Variants in PADI3 observed in about 807,000 individuals in gnomAD.
PADI3 encodes the protein peptidyl arginine deiminase 3.
PADI3 carries 53 observed loss-of-function variants against 71.5 expected under a neutral mutation model. The observed-to-expected ratio is 0.74, with a 90% CI of 0.59 to 0.93. The LOEUF (loss-of-function observed/expected upper bound fraction) is 0.93, where lower values mean the gene tolerates loss of function less well. PADI3 is among the 40% of genes least tolerant of loss of function. The pLI is 0.00. For synonymous variants in PADI3, 361 were observed against 347.5 expected, an observed-to-expected ratio of 1.04 and a Z score of -0.43; for missense variants, 821 against 868.0, an observed-to-expected ratio of 0.95 and a Z score of 0.68.
In PADI3 at chr1:17,262,084, G is replaced by A. The variant is rs768038339; in HGVS notation, c.274-49G>A. Reference sequence around the variant, plus strand: ...ATCCCCGAGAGCTATCTTTTGGGGCGGGAGCTCTTGGCTTCTGCTGGTATT... The same window carrying A: ...ATCCCCGAGAGCTATCTTTTGGGGCAGGAGCTCTTGGCTTCTGCTGGTATT... On this transcript the variant is annotated intron_variant, in intron 2 of 15. Transcript: ENST00000375460. The A allele has an allele frequency of 3.4e-5, 53 of 1,537,886 alleles. 1 individual carries two copies. Among genetic ancestry groups the A allele is most frequent in the Admixed American group, 1.4e-4 (8 of 59,018 alleles).
chr1:17,275,943 T>G (rs1327380196), intron 11 of PADI3, among the ~76,000 whole-genome samples: 1 of 152,118 alleles, frequency 6.6e-6, no homozygotes, highest in Non-Finnish European at 1.5e-5. Context: ...GTTCTGAAGA[T>G]TTTCCTGGAT....
chr1:17,265,414 A>G (rs1230503262), intron 3 of PADI3, among the ~76,000 whole-genome samples: 1 of 151,414 alleles, frequency 6.6e-6, no homozygotes. Context: ...GCAGGGATGC[A>G]GATAGGAAGT....
Position 17,283,025 on chromosome 1 carries a change from C to T in PADI3, c.1941C>T (p.Gly647=). ...YHMLHGEVHC[G]TNVCRKPFSF... is the part of the protein sequence containing the mutation. Reference sequence around the variant, plus strand: ...TGCTGCATGGGGAGGTGCACTGTGGCACCAATGTGTGCAGAAAGCCCTTCT... The same window carrying T: ...TGCTGCATGGGGAGGTGCACTGTGGTACCAATGTGTGCAGAAAGCCCTTCT... The change falls in exon 16 of 16, where the codon GGC becomes GGT. Residue 647 remains glycine (G), a synonymous_variant. Coordinates refer to ENST00000375460, the MANE Select transcript of PADI3 (RefSeq NM_016233.2). 6.2e-7 allele frequency: 1 copy of T among 1,614,210 alleles called. No homozygotes were observed. Among genetic ancestry groups the T allele is most frequent in the Non-Finnish European group, 8.5e-7 (1 of 1,180,024 alleles).
At chr1:17,273,219 C>T (rs2073279071) in intron 9 of PADI3, 121 bp from the exon 10 acceptor site, 2 of 709,996 alleles carry the variant, frequency 2.8e-6, no homozygotes, top group African/African-American at 1.8e-5. Context: ...CCTCCAAGCA[C>T]AAAACATGCT....
At chr1:17,282,140 T>C (rs1340169252) in intron 15 of PADI3, among the ~76,000 whole-genome samples, 2 of 152,150 alleles carry the variant, frequency 1.3e-5, no homozygotes, top group African/African-American at 4.8e-5. Flanking sequence ...TGTAATTATA[T>C]ATGTGCCCCA....
intron 3 of PADI3, among the ~76,000 whole-genome samples, chr1:17,262,462 G>A (rs1402312965): frequency 2.0e-5 from 3 of 152,298 alleles, no homozygotes; most frequent in East Asian, 3.9e-4. Flanking sequence ...CCAGCTTAAA[G>A]TTTTTCTGCT....
chr1:17,275,376 G>T (rs1252838751), intron 11 of PADI3, among the ~76,000 whole-genome samples: 1 of 138,830 alleles, frequency 7.2e-6, no homozygotes, highest in Non-Finnish European at 1.5e-5. Flanking sequence ...GGTGGAGCTT[G>T]CAGTGAGCTG....
chr1:17,258,887 G>T (rs1388398453), intron 1 of PADI3, among the ~76,000 whole-genome samples: 1 of 152,174 alleles, frequency 6.6e-6, no homozygotes, highest in Non-Finnish European at 1.5e-5. Context: ...GAACTGTAAG[G>T]GGCTCCACCC....
chr1:17,250,368 G>A (rs982056320), intron 1 of PADI3, among the ~76,000 whole-genome samples: 7 of 152,310 alleles, frequency 4.6e-5, no homozygotes, highest in African/African-American at 1.2e-4. Context: ...GCACACTCCC[G>A]AGTTGTGACA....
At chr1:17,281,365 C>T (rs1349163027) in intron 15 of PADI3, among the ~76,000 whole-genome samples, 1 of 152,174 alleles carries the variant, frequency 6.6e-6, no homozygotes, top group Non-Finnish European at 1.5e-5. Flanking sequence ...ACTGGAGATC[C>T]AGGAAGTCTT....
At chr1:17,262,291 A>C in intron 3 of PADI3, 86 bp downstream of exon 3, 2 of 967,274 alleles carry the variant, frequency 2.1e-6, no homozygotes, top group Admixed American at 3.3e-5. Flanking sequence ...TGAAAATTAA[A>C]CCTCCTTCCC....
chr1:17,255,593 C>G (rs12070008), intron 1 of PADI3, among the ~76,000 whole-genome samples: 1 of 152,132 alleles, frequency 6.6e-6, no homozygotes, highest in Non-Finnish European at 1.5e-5. Flanking sequence ...TAGATCCTCC[C>G]GTACCTGATG....
intron 13 of PADI3, among the ~76,000 whole-genome samples, chr1:17,278,281 G>T (rs1292817727): frequency 6.6e-6 from 1 of 152,190 alleles, no homozygotes; most frequent in Non-Finnish European, 1.5e-5. Context: ...AGGCTGGAGT[G>T]CAGTGACATG....
Position 17,266,803 on chromosome 1 carries a change from G to C in PADI3, c.493G>C (p.Asp165His). 1 of 1,614,148 alleles carries C rather than the reference G, an allele frequency of 6.2e-7. No individual in the cohort carries two copies. The highest frequency in any genetic ancestry group is 1.7e-5 in the Admixed American group (1 of 60,024). Residue 165 changes from aspartate (D) to histidine (H), a missense_variant, in exon 5 of 16, where the codon GAC (aspartate) becomes CAC (histidine). By Grantham distance (81) the Asp-to-His change is moderately conservative (BLOSUM62 -1). Coordinates refer to ENST00000375460, the MANE Select transcript of PADI3 (RefSeq NM_016233.2). ...DRDDPSCDVQ[D>H]NCDQHVHCLQ... is the part of the protein sequence containing the mutation. ...TGATGATCCGAGCTGTGATGTCCAG[G>C]ACAATTGTGACCAGCACGTGCACTG...
chr1:17,265,018 A>AAG (rs1428869248), intron 3 of PADI3, among the ~76,000 whole-genome samples: 1 of 151,686 alleles, frequency 6.6e-6, no homozygotes, highest in African/African-American at 2.4e-5. Flanking sequence ...TCAAAAAAAA[A>AAG]AAAAAATCCT....
At chr1:17,267,218 C>T (rs989769807) in intron 5 of PADI3, among the ~76,000 whole-genome samples, 1 of 152,202 alleles carries the variant, frequency 6.6e-6, no homozygotes, top group Non-Finnish European at 1.5e-5. Context: ...TGCTGAGACT[C>T]AGAAGCCAGG....
chr1:17,272,225 C>T (rs1205182708), intron 9 of PADI3, among the ~76,000 whole-genome samples: 2 of 152,246 alleles, frequency 1.3e-5, no homozygotes, highest in South Asian at 2.1e-4. Context: ...ACCGAGCATG[C>T]GCAAAGGCCC....
chr1:17,262,212 T>G lies in PADI3; in HGVS notation c.346+7T>G, dbSNP rs1004560443. ...CTCTACCTCACCTGTGTTGGTAAGTTGGGGGCCATGTTGATGGTGTGGCCA... is the reference window on the plus strand; with the variant it reads ...CTCTACCTCACCTGTGTTGGTAAGTGGGGGGCCATGTTGATGGTGTGGCCA... On this transcript the variant is annotated splice_region_variant and intron_variant, in intron 3 of 15. Transcript: ENST00000375460. 6.2e-7 allele frequency: 1 copy of G among 1,602,258 alleles called. No individual in the cohort carries two copies. The highest frequency in any genetic ancestry group is 1.3e-5 in the African/African-American group (1 of 74,222).
chr1:17,271,225 G>T, intron 9 of PADI3, 47 bp downstream of exon 9: 2 of 1,519,930 alleles, frequency 1.3e-6, no homozygotes, highest in Non-Finnish European at 1.8e-6. Flanking sequence ...CCATCCTGGA[G>T]AGAGAGGCCT....
Sources: gnomAD v4.1 joint callset for allele counts (sites outside exome capture counted in the v4.1 genomes callset) on GRCh38, gnomAD v4.1.1 for gene constraint, MANE v1.5 for transcripts, NCBI Gene and HGNC (gene_info 2026-07-23, HGNC 2026-07-21) for gene names.